Variants in PLPPR1 observed in about 807,000 individuals in gnomAD.
PLPPR1 encodes phospholipid phosphatase-related protein type 1.
A neutral mutation model predicts 33.1 loss-of-function variants in PLPPR1; 10 were observed. The ratio of observed to expected loss-of-function variants is 0.30; its 90% confidence interval spans 0.19 to 0.51. The LOEUF is 0.51. PLPPR1 is among the 20% of genes least tolerant of loss of function. PLPPR1 has a pLI of 0.97. For synonymous variants in PLPPR1, 151 were observed against 151.0 expected (o/e 1.00, Z 0.00); for missense variants, 304 against 408.1 (o/e 0.74, Z 2.20).
rs1831631845 is a variant in PLPPR1, at chr9:101,153,714, A to G, written c.-45-31736A>G. On this transcript the variant is annotated intron_variant, in intron 1 of 7. Transcript: ENST00000374874. ...CTCAGCCTCCTGAGTAGCTGGGACTACAGGTGCCTGCCACCATGCCTGGCT... is the reference window on the plus strand; with the variant it reads ...CTCAGCCTCCTGAGTAGCTGGGACTGCAGGTGCCTGCCACCATGCCTGGCT... 2.6e-5 allele frequency among the ~76,000 whole-genome samples: 4 copies of G among 151,076 alleles called. No individual in the cohort carries two copies. The South Asian group carries it at 8.4e-4, about 32-fold the overall frequency.
At chr9:101,242,054 A>G (rs1435654494) in intron 2 of PLPPR1, among the ~76,000 whole-genome samples, 1 of 151,968 alleles carries the variant, frequency 6.6e-6, no homozygotes, top group Non-Finnish European at 1.5e-5. Flanking sequence ...GGGAATCCAA[A>G]ATGGTTCAGA....
At position 101,317,452 on chromosome 9, in the gene PLPPR1, G is replaced by A. The variant is rs866850807; in HGVS notation, c.901G>A (p.Ala301Thr). ...GGATCCCCGTGGAGTACCCCTAATGGCTTTCCCAAGGATAGAAAGCCCTCT... is the reference window on the plus strand; with the variant it reads ...GGATCCCCGTGGAGTACCCCTAATGACTTTCCCAAGGATAGAAAGCCCTCT... ...PEDPRGVPLM[A>T]FPRIESPLET... The change falls in exon 7 of 8, where the codon GCT becomes ACT. Residue 301 changes from alanine (A) to threonine (T), a missense_variant. Ala to Thr is a moderately conservative substitution (Grantham distance 58, BLOSUM62 0). Transcript: ENST00000374874. The A allele has an allele frequency of 1.2e-6, 2 of 1,613,930 alleles. No homozygotes were observed. Among genetic ancestry groups the A allele is most frequent in the Middle Eastern group, 1.6e-4 (1 of 6,084 alleles).
intron 1 of PLPPR1, among the ~76,000 whole-genome samples, chr9:101,083,341 C>T (rs1052588551): frequency 6.8e-5 from 10 of 146,474 alleles, no homozygotes; most frequent in Non-Finnish European, 1.0e-4. Flanking sequence ...GAGCCCAGAT[C>T]GTGCCAATGC....
chr9:101,149,610 T>G (rs1417828579), intron 1 of PLPPR1, among the ~76,000 whole-genome samples: 1 of 152,216 alleles, frequency 6.6e-6, no homozygotes, highest in African/African-American at 2.4e-5. Context: ...TTATCCATGG[T>G]TTTTCATTGT....
Position 101,312,991 on chromosome 9 carries a change from C to G in PLPPR1, c.813+17C>G, listed in dbSNP as rs373189652. The G allele has an allele frequency of 1.2e-6, 2 of 1,612,848 alleles. No homozygotes were observed. Among genetic ancestry groups the G allele is most frequent in the African/African-American group, 2.7e-5 (2 of 74,890 alleles). Reference sequence around the variant, plus strand: ...CTGTTTCTGGTAGGTTGACTTCCCTCTTTTTACCTTTTCCCCCTCTTCTAC... The same window carrying G: ...CTGTTTCTGGTAGGTTGACTTCCCTGTTTTTACCTTTTCCCCCTCTTCTAC... On this transcript the variant is annotated intron_variant, in intron 6 of 7. Coordinates refer to ENST00000374874, the MANE Select transcript of PLPPR1 (RefSeq NM_207299.2).
chr9:101,063,407 C>G lies in PLPPR1; in HGVS notation c.-46+34305C>G, dbSNP rs144229382. On this transcript the variant is annotated intron_variant, in intron 1 of 7. Transcript: ENST00000374874. The stretch of plus-strand genomic sequence containing the variant: ...GCAGAGAGTGGAGAGGTTGTGAGTA[C>G]CCTTCTAGTGGTGGCACTTCCACCC... 6.2e-3 allele frequency among the ~76,000 whole-genome samples: 950 copies of G among 152,056 alleles called. 12 individuals are homozygous for G. Among genetic ancestry groups the G allele is most frequent in the African/African-American group, 0.022 (918 of 41,506 alleles).
rs140295823 is a variant in PLPPR1, at chr9:101,112,372, G to T, written c.-45-73078G>T. Among the ~76,000 whole-genome samples, 523 of 152,316 alleles carry T rather than the reference G, an allele frequency of 3.4e-3. 3 individuals carry two copies. The highest frequency in any genetic ancestry group is 0.012 in the African/African-American group (508 of 41,566). On this transcript the variant is annotated intron_variant, in intron 1 of 7. Coordinates refer to ENST00000374874, the MANE Select transcript of PLPPR1 (RefSeq NM_207299.2). ...TCATGAATAGCATTTAGATAAGATT[G>T]CTGTCCTTACCTATTTAGTATTGGG...
At chr9:101,253,014 G>T (rs561175783) in intron 2 of PLPPR1, among the ~76,000 whole-genome samples, 49 of 152,000 alleles carry the variant, frequency 3.2e-4, no homozygotes, top group Non-Finnish European at 5.6e-4. Flanking sequence ...CTTTTAAAAA[G>T]ATTTGAGATA....
intron 1 of PLPPR1, among the ~76,000 whole-genome samples, chr9:101,039,211 C>T (rs932534358): frequency 1.1e-4 from 16 of 152,112 alleles, no homozygotes; most frequent in African/African-American, 3.1e-4. Flanking sequence ...TGGACTAGAG[C>T]GTCAGATGGA....
chr9:101,246,099 T>TAGATAGATAGATAG (rs1285268174), intron 2 of PLPPR1, among the ~76,000 whole-genome samples: 1 of 110,202 alleles, frequency 9.1e-6, no homozygotes, highest in Non-Finnish European at 2.0e-5. Context: ...TATATATATA[T>TAGATAGATAGATAG]ATATATATAT....
At chr9:101,057,445 TA>T (rs1830291214) in intron 1 of PLPPR1, among the ~76,000 whole-genome samples, 1 of 152,188 alleles carries the variant, frequency 6.6e-6, no homozygotes, top group Non-Finnish European at 1.5e-5. Context: ...ATTATCAAGG[TA>T]TATCATTCTA....
chr9:101,295,667 T>G (rs1017326500), intron 4 of PLPPR1, among the ~76,000 whole-genome samples: 2 of 151,320 alleles, frequency 1.3e-5, no homozygotes, highest in Non-Finnish European at 3.0e-5. Context: ...AACTATCTGA[T>G]CTTTGACAAA....
chr9:101,112,589 A>G (rs1344337655), intron 1 of PLPPR1, among the ~76,000 whole-genome samples: 2 of 152,170 alleles, frequency 1.3e-5, no homozygotes, highest in East Asian at 1.9e-4. Flanking sequence ...CCTTCCCTCC[A>G]CATGCAGAAC....
At chr9:101,187,085 T>C (rs1453190793) in intron 2 of PLPPR1, among the ~76,000 whole-genome samples, 3 of 151,934 alleles carry the variant, frequency 2.0e-5, no homozygotes, top group Admixed American at 6.6e-5. Context: ...AAAATCATTT[T>C]TCCTGCTGCT....
At chr9:101,276,489 A>T (rs1186443625) in intron 3 of PLPPR1, among the ~76,000 whole-genome samples, 3 of 152,112 alleles carry the variant, frequency 2.0e-5, no homozygotes, top group African/African-American at 7.2e-5. Context: ...TGATGACTAG[A>T]TGATTATGTT....
At position 101,185,513 on chromosome 9, in the gene PLPPR1, A is replaced by C; in HGVS notation, c.19A>C (p.Thr7Pro). Reference sequence around the variant, plus strand: ...GTGAGAAATGGCTGTAGGAAACAACACTCAACGAAGTTATTCCATCATCCC... The same window carrying C: ...GTGAGAAATGGCTGTAGGAAACAACCCTCAACGAAGTTATTCCATCATCCC... MAVGNN[T>P]QRSYSIIPCF... The change falls in exon 2 of 8, where the codon ACT (threonine) becomes CCT (proline). Residue 7 changes from threonine to proline, a missense_variant. Transcript: ENST00000374874. The C allele has an allele frequency of 6.2e-7, 1 of 1,609,712 alleles. No individual in the cohort carries two copies. The highest frequency in any genetic ancestry group is 1.1e-5 in the South Asian group (1 of 90,762).
At chr9:101,136,584 C>A (rs921433859) in intron 1 of PLPPR1, among the ~76,000 whole-genome samples, 3 of 152,144 alleles carry the variant, frequency 2.0e-5, no homozygotes, top group African/African-American at 4.8e-5. Flanking sequence ...CCTTTCTGTT[C>A]AATTTTTGGT....
At chr9:101,138,403 T>C (rs755019674) in intron 1 of PLPPR1, among the ~76,000 whole-genome samples, 1 of 152,242 alleles carries the variant, frequency 6.6e-6, no homozygotes, top group Non-Finnish European at 1.5e-5. Flanking sequence ...TTTATATCTA[T>C]CTATCTGCCT....
At chr9:101,192,598 A>G (rs1161320770) in intron 2 of PLPPR1, among the ~76,000 whole-genome samples, 1 of 152,126 alleles carries the variant, frequency 6.6e-6, no homozygotes, top group East Asian at 1.9e-4. Context: ...AAATGTTAAC[A>G]TGAAAATAAT....
Sources: gnomAD v4.1 joint callset for allele counts (sites outside exome capture counted in the v4.1 genomes callset) on GRCh38, gnomAD v4.1.1 for gene constraint, MANE v1.5 for transcripts, NCBI Gene and HGNC (gene_info 2026-07-23, HGNC 2026-07-21) for gene names.